Variants in DSCAML1 observed in about 807,000 individuals in gnomAD.
DSCAML1 encodes cell adhesion molecule DSCAML1.
DSCAML1 carries 38 observed loss-of-function variants against 200.5 expected under a neutral mutation model. The ratio of observed to expected loss-of-function variants is 0.19; its 90% CI spans 0.15 to 0.25. The LOEUF (loss-of-function observed/expected upper bound fraction) is 0.25, where lower values mean the gene tolerates loss of function less well. DSCAML1 is among the 10% of genes least tolerant of loss of function. The pLI, the probability that DSCAML1 is intolerant of heterozygous loss-of-function variation, is 1.00. For synonymous variants in DSCAML1, 1,215 were observed against 1,165.0 expected, an observed-to-expected ratio of 1.04 and a Z score of -0.87; for missense variants, 2,223 against 2,858.8, an observed-to-expected ratio of 0.78 and a Z score of 5.07.
At chr11:117,514,956 G>A (rs2049727738) in intron 8 of DSCAML1, among the ~76,000 whole-genome samples, 1 of 152,254 alleles carries the variant, frequency 6.6e-6, no homozygotes, top group Non-Finnish European at 1.5e-5. Flanking sequence ...TAGCTGAGTG[G>A]GCAGCTGTGG....
chr11:117,528,895 C>T (rs533259531), intron 4 of DSCAML1, among the ~76,000 whole-genome samples: 2 of 152,230 alleles, frequency 1.3e-5, no homozygotes, highest in South Asian at 4.2e-4. Flanking sequence ...GCCTCTGCAA[C>T]TTGGAAAATA....
chr11:117,615,639 G>A (rs953846746), intron 3 of DSCAML1, among the ~76,000 whole-genome samples: 15 of 152,078 alleles, frequency 9.9e-5, no homozygotes, highest in African/African-American at 3.1e-4. Context: ...CAACATGGCC[G>A]GTTGTACCAG....
intron 3 of DSCAML1, among the ~76,000 whole-genome samples, chr11:117,704,904 C>T (rs939376588): frequency 6.6e-6 from 1 of 152,174 alleles, no homozygotes; most frequent in Admixed American, 6.5e-5. Context: ...CAGAGGAACA[C>T]TGGAAAAGCA....
intron 3 of DSCAML1, among the ~76,000 whole-genome samples, chr11:117,621,223 TA>T (rs1202859437): frequency 6.6e-6 from 1 of 152,244 alleles, no homozygotes; most frequent in African/African-American, 2.4e-5. Flanking sequence ...GCATGTTACT[TA>T]AAATATTTTA....
chr11:117,620,492 G>A (rs2051906387), intron 3 of DSCAML1, among the ~76,000 whole-genome samples: 1 of 152,174 alleles, frequency 6.6e-6, no homozygotes, highest in Admixed American at 6.5e-5. Flanking sequence ...ACGACACTGT[G>A]ACTGAAATTA....
intron 17 of DSCAML1, among the ~76,000 whole-genome samples, 198 bp downstream of exon 17, chr11:117,464,744 C>T (rs781429826): frequency 2.6e-5 from 4 of 152,116 alleles, no homozygotes; most frequent in Non-Finnish European, 4.4e-5. Context: ...AGGAGAGGCC[C>T]GATATGCTGA....
intron 3 of DSCAML1, among the ~76,000 whole-genome samples, chr11:117,543,025 G>T (rs1261433128): frequency 6.6e-6 from 1 of 152,238 alleles, no homozygotes; most frequent in Non-Finnish European, 1.5e-5. Context: ...TCTTCCGATG[G>T]AGGCTTCCCT....
chr11:117,577,470 CT>C (rs1481231005), intron 3 of DSCAML1, among the ~76,000 whole-genome samples: 2 of 31,718 alleles, frequency 6.3e-5, no homozygotes, highest in Non-Finnish European at 1.4e-4. Flanking sequence ...TCCTTCCTTC[CT>C]TCCTTCCTTC....
chr11:117,556,836 C>G lies in DSCAML1; in HGVS notation c.512-24314G>C, dbSNP rs1002577873. Among the ~76,000 whole-genome samples, 40 of 152,214 alleles carry G rather than the reference C, an allele frequency of 2.6e-4. 1 individual carries two copies. The highest frequency in any genetic ancestry group is 8.9e-4 in the African/African-American group (37 of 41,448). On this transcript the variant is annotated intron_variant, in intron 3 of 32. Coordinates refer to ENST00000651296, the MANE Select transcript of DSCAML1 (RefSeq NM_020693.4). ...CTGGCGACCTTATGTAGCCATCCAT[C>G]TAGATTCTAGAAGCTTCACCGCCGA...
At chr11:117,513,669 A>C (rs1227772752) in intron 8 of DSCAML1, among the ~76,000 whole-genome samples, 2 of 145,662 alleles carry the variant, frequency 1.4e-5, no homozygotes, top group Non-Finnish European at 3.0e-5. Flanking sequence ...TGAAACCAGG[A>C]GGAGGAGGTT....
chr11:117,428,901 T>C (rs7935468), intron 32 of DSCAML1, 98 bp from the exon 33 acceptor site: 166,969 of 1,247,372 alleles, frequency 0.13, 12,700 homozygotes, highest in African/African-American at 0.28. Context: ...GTCTTCTCTC[T>C]GATTTGGCAT....
chr11:117,576,755 C>G (rs1416907846), intron 3 of DSCAML1, among the ~76,000 whole-genome samples: 1 of 152,146 alleles, frequency 6.6e-6, no homozygotes, highest in African/African-American at 2.4e-5. Flanking sequence ...GTGTTGCTGC[C>G]GGAGCAATGT....
chr11:117,722,340 T>G (rs1591440664), intron 3 of DSCAML1, among the ~76,000 whole-genome samples: 1 of 143,980 alleles, frequency 6.9e-6, no homozygotes. Context: ...CTCACAGAAG[T>G]AGAGAGTGAA....
chr11:117,661,390 G>T (rs1456683834), intron 3 of DSCAML1, among the ~76,000 whole-genome samples: 1 of 152,196 alleles, frequency 6.6e-6, no homozygotes, highest in Non-Finnish European at 1.5e-5. Context: ...CAGGTGCACC[G>T]AATAGTGAAT....
intron 3 of DSCAML1, among the ~76,000 whole-genome samples, chr11:117,547,986 A>AC (rs1369906316): frequency 2.6e-5 from 4 of 151,780 alleles, no homozygotes; most frequent in African/African-American, 4.8e-5. Flanking sequence ...CCTGGAGAAG[A>AC]CCCCCACCAC....
At chr11:117,436,812 C>T (rs961141356) in intron 26 of DSCAML1, among the ~76,000 whole-genome samples, 2 of 152,168 alleles carry the variant, frequency 1.3e-5, no homozygotes, top group East Asian at 3.8e-4. Context: ...CTCTACCTCC[C>T]TTGTCACCTC....
chr11:117,599,405 A>G (rs983652834), intron 3 of DSCAML1, among the ~76,000 whole-genome samples: 5 of 152,194 alleles, frequency 3.3e-5, no homozygotes, highest in Non-Finnish European at 1.5e-5. Context: ...ACTCATTCTC[A>G]TAGCATTATG....
chr11:117,726,251 CTGTGTGTGTGTGTGCGTG>C (rs927710436), intron 3 of DSCAML1, among the ~76,000 whole-genome samples: 3 of 149,174 alleles, frequency 2.0e-5, no homozygotes, highest in Non-Finnish European at 4.4e-5. Context: ...GTGTGTATCT[CTGTGTGTGTGTGTGCGTG>C]TGTGTGTGTG....
At chr11:117,626,188 C>G (rs1263823948) in intron 3 of DSCAML1, among the ~76,000 whole-genome samples, 1 of 136,902 alleles carries the variant, frequency 7.3e-6, no homozygotes, top group African/African-American at 2.8e-5. Flanking sequence ...GCACAGCCCA[C>G]TCTTGCTGAG....
Sources: allele counts gnomAD v4.1 joint callset (sites outside exome capture counted in the v4.1 genomes callset), GRCh38; gene constraint gnomAD v4.1.1; transcripts MANE v1.5; gene names NCBI Gene and HGNC (gene_info 2026-07-23, HGNC 2026-07-21).